The following ANTXRL variants were observed in gnomAD, a reference collection of about 807,000 sequenced individuals.
ANTXRL encodes the protein ANTXR like.
Under a neutral mutation model 75.4 loss-of-function variants are expected in ANTXRL, and 63 were observed. The ratio of observed to expected loss-of-function variants is 0.84; its 90% CI spans 0.68 to 1.03. The LOEUF is 1.03. Among genes scored for constraint, ANTXRL ranks in the 50% least tolerant of loss-of-function variants. The pLI, the probability that ANTXRL is intolerant of heterozygous loss-of-function variation, is 0.00. For missense variants in ANTXRL, 797 were observed against 789.4 expected, an observed-to-expected ratio of 1.01 and a Z score of -0.12; for synonymous variants, 335 against 291.3, an observed-to-expected ratio of 1.15 and a Z score of -1.53.
intron 16 of ANTXRL, among the ~76,000 whole-genome samples, chr10:46,318,478 G>C (rs1838838541): frequency 6.6e-6 from 1 of 151,898 alleles, no homozygotes; most frequent in Non-Finnish European, 1.5e-5. Context: ...AACATTTTTA[G>C]GGAATTTGAT....
At chr10:46,295,425 G>A (rs1837306141) in intron 3 of ANTXRL, among the ~76,000 whole-genome samples, 1 of 151,468 alleles carries the variant, frequency 6.6e-6, no homozygotes, top group South Asian at 2.1e-4. Context: ...CTGACTCTCA[G>A]TTGCCCATCC....
At chr10:46,311,286 G>C (rs1180382226) in intron 14 of ANTXRL, among the ~76,000 whole-genome samples, 1 of 152,076 alleles carries the variant, frequency 6.6e-6, no homozygotes, top group East Asian at 1.9e-4. Context: ...CTTTCAACAA[G>C]GGCAGCCACG....
At chr10:46,321,754 C>T (rs1365833740) in intron 16 of ANTXRL, among the ~76,000 whole-genome samples, 4 of 152,096 alleles carry the variant, frequency 2.6e-5, no homozygotes, top group Non-Finnish European at 2.9e-5. Flanking sequence ...GAGAGGCATG[C>T]GGTTCTGTTA....
At chr10:46,291,628 T>C (rs554326149) in intron 1 of ANTXRL, among the ~76,000 whole-genome samples, 12 of 152,314 alleles carry the variant, frequency 7.9e-5, no homozygotes, top group Admixed American at 7.8e-4. Context: ...TTTAGCTTCC[T>C]TGTTTAAATT....
intron 16 of ANTXRL, among the ~76,000 whole-genome samples, chr10:46,327,188 A>G (rs1839259542): frequency 6.6e-6 from 1 of 152,116 alleles, no homozygotes; most frequent in Non-Finnish European, 1.5e-5. Context: ...CAGCTCTTCT[A>G]GTAGCTGGGC....
chr10:46,303,411 T>C (rs1307666220), intron 10 of ANTXRL, among the ~76,000 whole-genome samples: 1 of 152,188 alleles, frequency 6.6e-6, no homozygotes, highest in Non-Finnish European at 1.5e-5. Context: ...TATGTATCCT[T>C]TAACTGAAAT....
At position 46,313,259 on chromosome 10, in the gene ANTXRL, CCT is replaced by C. The variant is rs1554963972; in HGVS notation, c.1359_1360del (p.His454ArgfsTer144). 8 of 1,535,754 alleles carry C rather than the reference CCT, an allele frequency of 5.2e-6. No individual in the cohort carries two copies. The South Asian group carries it at 9.5e-5, about 18-fold the overall frequency. On this transcript the variant is annotated frameshift_variant, in exon 16 of 17. Coordinates refer to ENST00000620264, the MANE Select transcript of ANTXRL (RefSeq NM_001278688.3). LOFTEE classifies it high-confidence loss of function. ...IEGNLDTFCD[L>X]SHASCHQVPW... The stretch of plus-strand genomic sequence containing the variant: ...AGGGCAATCTGGATACCTTTTGTGA[CCT>C]CTCTCACGCAAGCTGCCACCAGGTG...
At chr10:46,298,101 T>A (rs1193512662) in intron 9 of ANTXRL, 39 bp downstream of exon 9, 5 of 1,255,174 alleles carry the variant, frequency 4.0e-6, no homozygotes, top group Non-Finnish European at 5.6e-6. Context: ...CAAAGGGTGG[T>A]GTGCATGAGT....
At chr10:46,295,702 G>C (rs1188723482) in intron 3 of ANTXRL, among the ~76,000 whole-genome samples, 1 of 152,084 alleles carries the variant, frequency 6.6e-6, no homozygotes, top group African/African-American at 2.4e-5. Flanking sequence ...GTTAGGTTTA[G>C]GAAAGTCAGC....
chr10:46,327,968 A>C (rs1431556284), intron 16 of ANTXRL, among the ~76,000 whole-genome samples: 3 of 152,184 alleles, frequency 2.0e-5, no homozygotes, highest in Non-Finnish European at 4.4e-5. Flanking sequence ...GCAAAGTAGC[A>C]TATGCCCACT....
intron 3 of ANTXRL, 100 bp downstream of exon 3, chr10:46,294,000 A>C (rs782551247): frequency 1.0e-5 from 12 of 1,147,240 alleles, no homozygotes; most frequent in African/African-American, 1.6e-5. Context: ...TGGGAGCCTG[A>C]CAGCACACAG....
chr10:46,297,557 G>C, intron 7 of ANTXRL, 83 bp downstream of exon 7: 1 of 1,392,570 alleles, frequency 7.2e-7, no homozygotes, highest in Non-Finnish European at 9.8e-7. Context: ...CCCCAAGGAC[G>C]GTTGTCTAAG....
intron 9 of ANTXRL, among the ~76,000 whole-genome samples, chr10:46,301,084 C>T (rs557338833): frequency 6.6e-6 from 1 of 151,860 alleles, no homozygotes; most frequent in East Asian, 2.0e-4. Flanking sequence ...TTGCAATTAT[C>T]CTGTCCATGG....
intron 10 of ANTXRL, among the ~76,000 whole-genome samples, chr10:46,303,119 G>A (rs1837856784): frequency 6.6e-6 from 1 of 152,164 alleles, no homozygotes; most frequent in Admixed American, 6.5e-5. Context: ...GCCCACCTTA[G>A]CCTCAGTTTC....
chr10:46,323,738 T>C (rs1050273361), intron 16 of ANTXRL, among the ~76,000 whole-genome samples: 1 of 152,160 alleles, frequency 6.6e-6, no homozygotes, highest in Non-Finnish European at 1.5e-5. Flanking sequence ...GTTGTGTTCA[T>C]GAACAACCAA....
intron 16 of ANTXRL, among the ~76,000 whole-genome samples, chr10:46,324,699 A>G (rs1296113398): frequency 6.6e-6 from 1 of 152,096 alleles, no homozygotes; most frequent in Non-Finnish European, 1.5e-5. Flanking sequence ...TGAGGAAGAG[A>G]CCCATAAATA....
chr10:46,330,063 C>A lies in ANTXRL; in HGVS notation c.1875C>A (p.Pro625=). Residue 625 remains proline (P), a synonymous_variant, in exon 17 of 17, where the codon CCC becomes CCA. Transcript: ENST00000620264. ...RHTAEPPLSL[P]PSEPNF ...CGGCAGAACCCCCTTTGTCACTCCC[C>A]CCCTCAGAGCCCAACTTCTAAGGCA... 1.3e-6 allele frequency: 2 copies of A among 1,520,224 alleles called. No homozygotes were observed. The highest frequency in any genetic ancestry group is 1.8e-6 in the Non-Finnish European group (2 of 1,137,164). The allele number at this position is 1,520,224 out of a possible 1,614,324, so 94.2% of individuals were successfully genotyped here. A position where few individuals can be genotyped will look rare whatever the true frequency, so the allele number is the denominator to read the frequency against.
intron 14 of ANTXRL, among the ~76,000 whole-genome samples, chr10:46,310,715 C>T (rs1838370963): frequency 6.6e-6 from 1 of 152,052 alleles, no homozygotes; most frequent in Non-Finnish European, 1.5e-5. Flanking sequence ...GCCTTGTCAC[C>T]AGTTCGCAGC....
chr10:46,301,214 A>C (rs113923300), intron 9 of ANTXRL, among the ~76,000 whole-genome samples: 2,263 of 152,330 alleles, frequency 0.015, 48 homozygotes, highest in African/African-American at 0.052. Flanking sequence ...CTGGCTGGCC[A>C]GGGCTTTTTG....
Sources: allele counts gnomAD v4.1 joint callset (sites outside exome capture counted in the v4.1 genomes callset), GRCh38; gene constraint gnomAD v4.1.1; transcripts MANE v1.5; gene names NCBI Gene and HGNC (gene_info 2026-07-23, HGNC 2026-07-21).